KALRN: variants seen among roughly 807,000 people sequenced by gnomAD.
The protein encoded by KALRN is kalirin RhoGEF kinase.
A neutral mutation model predicts 353.7 loss-of-function variants in KALRN; 70 were observed. That is an observed-to-expected ratio of 0.20 (90% CI 0.16 to 0.24). KALRN has a LOEUF of 0.24. Among genes scored for constraint, KALRN ranks in the 10% least tolerant of loss-of-function variants. The pLI is 1.00. For missense variants in KALRN, 2,791 were observed against 3,756.7 expected, an observed-to-expected ratio of 0.74 and a Z score of 6.72; for synonymous variants, 1,391 against 1,434.8, an observed-to-expected ratio of 0.97 and a Z score of 0.69.
chr3:124,309,800 G>A (rs1405937223), intron 6 of KALRN, among the ~76,000 whole-genome samples: 1 of 152,046 alleles, frequency 6.6e-6, no homozygotes. Flanking sequence ...CAGAAAAAGG[G>A]CATCTACAAA....
chr3:124,395,405 T>C, intron 12 of KALRN, 62 bp downstream of exon 12: 2 of 1,413,348 alleles, frequency 1.4e-6, no homozygotes, highest in Non-Finnish European at 2.0e-6. Context: ...ATAAGTCCTG[T>C]CCCAGTCTTG....
intron 1 of KALRN, among the ~76,000 whole-genome samples, chr3:124,060,089 C>T (rs773942435): frequency 6.6e-6 from 1 of 152,210 alleles, no homozygotes; most frequent in African/African-American, 2.4e-5. Flanking sequence ...GGCCTTGATT[C>T]TCAAGGGACT....
chr3:124,684,322 C>T lies in KALRN; in HGVS notation c.7377+4805C>T, dbSNP rs1363430046. On this transcript the variant is annotated intron_variant, in intron 51 of 59. Transcript: ENST00000682506. ...TTTTAACCTAAAACACAGATCCTGG[C>T]AGACGAGAAGACCTAACTCCTAGTG... Among the ~76,000 whole-genome samples, 4 of 152,180 alleles carry T rather than the reference C, an allele frequency of 2.6e-5. No homozygotes were observed. The East Asian group carries it at 5.8e-4, about 22-fold the overall frequency.
intron 1 of KALRN, among the ~76,000 whole-genome samples, chr3:124,204,395 A>G (rs759102039): frequency 6.6e-6 from 1 of 152,308 alleles, no homozygotes; most frequent in South Asian, 2.1e-4. Flanking sequence ...TACAAATTAA[A>G]ACACTAATTT....
chr3:124,465,238 A>G (rs1203199176), intron 25 of KALRN, among the ~76,000 whole-genome samples: 2 of 152,036 alleles, frequency 1.3e-5, no homozygotes, highest in Non-Finnish European at 2.9e-5. Flanking sequence ...TCTCTAGTAA[A>G]TAAGAGATAG....
intron 45 of KALRN, among the ~76,000 whole-genome samples, chr3:124,662,984 GT>G (rs1406474054): frequency 1.3e-5 from 2 of 151,662 alleles, no homozygotes; most frequent in African/African-American, 4.8e-5. Flanking sequence ...TTTAAACAGA[GT>G]TTTGCTCTTG....
chr3:124,433,040 G>A (rs919045978), intron 16 of KALRN, among the ~76,000 whole-genome samples: 1 of 152,142 alleles, frequency 6.6e-6, no homozygotes. Context: ...GTTCAGACTA[G>A]GTTCTCCATC....
At position 124,430,285 on chromosome 3, in the gene KALRN, TA is replaced by T. The variant is rs532343387; in HGVS notation, c.2710-364del. On this transcript the variant is annotated intron_variant, in intron 15 of 59. Coordinates refer to ENST00000682506, the MANE Select transcript of KALRN (RefSeq NM_001388419.1). Reference sequence around the variant, plus strand: ...TTGTTGTTATTTGAACTGGACCTTATAAAAAAAGAAAAGGATACCAACAGAT... The same window carrying T: ...TTGTTGTTATTTGAACTGGACCTTATAAAAAAGAAAAGGATACCAACAGAT... 6.3e-3 allele frequency among the ~76,000 whole-genome samples: 960 copies of T among 152,192 alleles called. 3 individuals carry two copies. Among genetic ancestry groups the T allele is most frequent in the Middle Eastern group, 0.014 (4 of 294 alleles).
intron 34 of KALRN, among the ~76,000 whole-genome samples, chr3:124,630,165 T>C (rs1334473986): frequency 1.3e-5 from 2 of 152,170 alleles, no homozygotes; most frequent in African/African-American, 4.8e-5. Flanking sequence ...GTTTAATGAG[T>C]ATTCAGAAAT....
chr3:124,516,402 G>T (rs2066558332), intron 33 of KALRN, among the ~76,000 whole-genome samples: 2 of 152,160 alleles, frequency 1.3e-5, no homozygotes, highest in Non-Finnish European at 1.5e-5. Context: ...ACTCCATGAG[G>T]TTGTGGTGCA....
rs183911447 is a variant in KALRN, at chr3:124,476,079, C to T, written c.4102-1166C>T. ...CCTAGGTAGTACATAGTTCCAAAAA[C>T]TGGTTTCAGAAAATTTTTTGATTGG... On this transcript the variant is annotated intron_variant, in intron 26 of 59. Coordinates refer to ENST00000682506, the MANE Select transcript of KALRN (RefSeq NM_001388419.1). Among the ~76,000 whole-genome samples, 6 of 151,920 alleles carry T rather than the reference C, an allele frequency of 3.9e-5. No homozygotes were observed. In the East Asian group the frequency reaches 1.2e-3, roughly 29 times the overall value.
chr3:124,679,723 TA>T (rs1404482246), intron 51 of KALRN: 20 of 647,820 alleles, frequency 3.1e-5, no homozygotes, highest in East Asian at 2.0e-4. Flanking sequence ...TAGATTTTTT[TA>T]AAAAACAAAA....
At chr3:124,249,884 T>C (rs1428385516) in intron 3 of KALRN, among the ~76,000 whole-genome samples, 1 of 152,204 alleles carries the variant, frequency 6.6e-6, no homozygotes, top group African/African-American at 2.4e-5. Flanking sequence ...CACTAGTGTC[T>C]GAGCCATCAC....
chr3:124,034,569 C>A (rs2149036777), intron 1 of KALRN, among the ~76,000 whole-genome samples: 1 of 152,048 alleles, frequency 6.6e-6, no homozygotes, highest in South Asian at 2.1e-4. Context: ...GTCTTTCTAG[C>A]TCTTTGCGCC....
intron 45 of KALRN, among the ~76,000 whole-genome samples, chr3:124,664,373 G>GTGCGCGCGCA (rs2085322001): frequency 8.0e-6 from 1 of 125,608 alleles, no homozygotes; most frequent in South Asian, 2.6e-4. Flanking sequence ...GTGTGTGTGC[G>GTGCGCGCGCA]CGCGCGCGCA....
At chr3:124,061,516 G>T (rs1191251899) in intron 1 of KALRN, among the ~76,000 whole-genome samples, 1 of 152,130 alleles carries the variant, frequency 6.6e-6, no homozygotes, top group Admixed American at 6.5e-5. Context: ...ACTAAGTGCT[G>T]CTTTGTTTCC....
intron 9 of KALRN, among the ~76,000 whole-genome samples, chr3:124,346,581 G>A (rs2082284430): frequency 6.6e-6 from 1 of 152,164 alleles, no homozygotes; most frequent in Non-Finnish European, 1.5e-5. Flanking sequence ...AAGCCAGAGG[G>A]GGCTCTTGTC....
rs373695522 is a variant in KALRN at position 124,334,457 on chromosome 3, C to T, written c.1609C>T (p.Arg537Trp). ...GCACCGCAAGGTGCGGCTCCACCAG[C>T]GGCTGCAGCTCTGCGTCTTCCAGCA... ...WQHRKVRLHQ[R>W]LQLCVFQQDV... The change falls in exon 9 of 60, where the codon CGG becomes TGG. Residue 537 changes from arginine (R) to tryptophan (W), a missense_variant. Arg to Trp is a moderately radical substitution (Grantham distance 101). Transcript: ENST00000682506. This position sits in a 1 kb window ranked among gnomAD's most constrained non-coding sequence, Gnocchi z 4.2. 29 of 1,613,934 alleles carry T rather than the reference C, an allele frequency of 1.8e-5. No homozygotes were observed. Among genetic ancestry groups the T allele is most frequent in the Non-Finnish European group, 2.3e-5 (27 of 1,179,860 alleles).
In KALRN at chr3:124,459,482, G is replaced by A. The variant is rs532919758; in HGVS notation, c.3855-2408G>A. On this transcript the variant is annotated intron_variant, in intron 23 of 59. Transcript: ENST00000682506. Reference sequence around the variant, plus strand: ...CCTGCTTTGCTCTCTAAGTATCTCAGCTCCACTTTCAGAAAAGTCCTGACT... The same window carrying A: ...CCTGCTTTGCTCTCTAAGTATCTCAACTCCACTTTCAGAAAAGTCCTGACT... Among the ~76,000 whole-genome samples the A allele has an allele frequency of 5.3e-5, 8 of 152,258 alleles. No homozygotes were observed. The South Asian group carries it at 1.7e-3, about 32-fold the overall frequency.
Sources: allele counts gnomAD v4.1 joint callset (sites outside exome capture counted in the v4.1 genomes callset), GRCh38; gene constraint gnomAD v4.1.1; non-coding constraint Gnocchi (gnomAD v3.1); transcripts MANE v1.5; gene names NCBI Gene and HGNC (gene_info 2026-07-23, HGNC 2026-07-21).